The following USP3 variants were observed in gnomAD, a reference collection of about 807,000 sequenced individuals.
USP3 encodes ubiquitin specific peptidase 3, also known as ubiquitin carboxyl-terminal hydrolase 3.
In USP3, 20 loss-of-function variants were observed where a neutral mutation model predicts 72.3. The observed-to-expected ratio is 0.28, with a 90% CI of 0.19 to 0.40. The LOEUF is 0.40. Ranked by LOEUF, USP3 falls within the 10% of genes least tolerant of loss-of-function variation. USP3 has a pLI of 1.00. For synonymous variants in USP3, 222 were observed against 225.3 expected (o/e 0.99, Z 0.13); for missense variants, 479 against 633.9 (o/e 0.76, Z 2.62).
At chr15:63,573,981 G>C (rs1343041337) in intron 9 of USP3, 65 bp from the exon 10 acceptor site, 3 of 1,187,292 alleles carry the variant, frequency 2.5e-6, no homozygotes, top group East Asian at 2.6e-5. Flanking sequence ...AATATTTGTA[G>C]TTTTTTAAAT....
intron 1 of USP3, among the ~76,000 whole-genome samples, chr15:63,506,370 GAAAA>G (rs35639661): frequency 6.7e-6 from 1 of 149,362 alleles, no homozygotes; most frequent in Non-Finnish European, 1.5e-5. Context: ...GAAATTTGAA[GAAAA>G]AAAAAAAGAC....
intron 1 of USP3, among the ~76,000 whole-genome samples, chr15:63,523,048 T>G (rs2065939408): frequency 2.6e-5 from 4 of 152,244 alleles, no homozygotes; most frequent in Admixed American, 2.6e-4. Flanking sequence ...TTTCCTGAAG[T>G]ATTTTACATT....
intron 3 of USP3, among the ~76,000 whole-genome samples, chr15:63,547,814 C>G (rs1395414416): frequency 3.0e-3 from 52 of 17,594 alleles, no homozygotes; most frequent in East Asian, 0.016. Context: ...TAGAGAGAGG[C>G]ATAGAGAGAG....
In USP3 at chr15:63,588,507, G is replaced by A; in HGVS notation, c.1215+84G>A. On this transcript the variant is annotated intron_variant, in intron 12 of 14. Coordinates refer to ENST00000380324, the MANE Select transcript of USP3 (RefSeq NM_006537.4). This position sits in a 1 kb window ranked among gnomAD's most constrained non-coding sequence, Gnocchi z 4.6. ...GACCATGTCTATAACTTTACACTATGTGAACTGTTCTGTATTTTTCTCTAG... is the reference window on the plus strand; with the variant it reads ...GACCATGTCTATAACTTTACACTATATGAACTGTTCTGTATTTTTCTCTAG... The A allele has an allele frequency of 9.1e-7, 1 of 1,096,540 alleles. No homozygotes were observed. Among genetic ancestry groups the A allele is most frequent in the Non-Finnish European group, 1.3e-6 (1 of 744,380 alleles). The allele number at this position is 1,096,540 out of a possible 1,614,324, so 67.9% of individuals were successfully genotyped here.
chr15:63,561,295 T>C (rs960431747), intron 7 of USP3, among the ~76,000 whole-genome samples: 2 of 152,206 alleles, frequency 1.3e-5, no homozygotes, highest in African/African-American at 4.8e-5. Context: ...TTGCAGGCTG[T>C]AGAAATTGCC....
intron 11 of USP3, among the ~76,000 whole-genome samples, chr15:63,583,875 C>T (rs183369713): frequency 3.6e-4 from 55 of 152,198 alleles, no homozygotes; most frequent in African/African-American, 1.2e-3. Context: ...CATCTGTTGA[C>T]GACACTTGGG....
chr15:63,539,627 T>A (rs1280062628), intron 3 of USP3, among the ~76,000 whole-genome samples: 2 of 152,216 alleles, frequency 1.3e-5, no homozygotes, highest in Non-Finnish European at 2.9e-5. Context: ...CATGGTGGAA[T>A]TGGAATTAAA....
At chr15:63,565,735 A>G (rs949335062) in intron 8 of USP3, among the ~76,000 whole-genome samples, 1 of 152,122 alleles carries the variant, frequency 6.6e-6, no homozygotes, top group Non-Finnish European at 1.5e-5. Context: ...GCTTCCTCAG[A>G]CCATTTTACA....
At chr15:63,569,159 T>C (rs1219223772) in intron 8 of USP3, among the ~76,000 whole-genome samples, 3 of 152,202 alleles carry the variant, frequency 2.0e-5, no homozygotes, top group African/African-American at 7.2e-5. Flanking sequence ...AAACTACTAA[T>C]CTTACCTTTG....
At chr15:63,505,010 C>T (rs1480383486) in intron 1 of USP3, among the ~76,000 whole-genome samples, 180 bp downstream of exon 1, 1 of 150,474 alleles carries the variant, frequency 6.6e-6, no homozygotes, top group East Asian at 1.9e-4. Flanking sequence ...GCGGCGGCTC[C>T]TTTGTTTCCC....
chr15:63,554,091 G>A (rs1220102999), intron 4 of USP3, among the ~76,000 whole-genome samples: 1 of 152,022 alleles, frequency 6.6e-6, no homozygotes, highest in Non-Finnish European at 1.5e-5. Context: ...TATTTTGAGG[G>A]TACAAGAAAA....
chr15:63,575,375 T>G (rs2066846867), intron 11 of USP3, among the ~76,000 whole-genome samples: 1 of 151,976 alleles, frequency 6.6e-6, no homozygotes, highest in Admixed American at 6.5e-5. Context: ...AAATAAAACT[T>G]TTGTTGGAGA....
intron 3 of USP3, among the ~76,000 whole-genome samples, chr15:63,552,646 T>A (rs2066452747): frequency 6.6e-6 from 1 of 152,198 alleles, no homozygotes; most frequent in East Asian, 1.9e-4. Flanking sequence ...AAGCATTCAC[T>A]TAAAATTTTC....
chr15:63,591,181 A>AGAT lies in USP3; in HGVS notation c.*357_*359dup, dbSNP rs1241836694. On this transcript the variant is annotated 3_prime_UTR_variant, in exon 15 of 15. Transcript: ENST00000380324. ...TTGTTCCTCTCACATGCTGAAAGCA[A>AGAT]GATGTGTTCCTTATTGTGAAGAGCG... The AGAT allele has an allele frequency of 1.0e-5, 2 of 195,044 alleles. No individual in the cohort carries two copies. The highest frequency in any genetic ancestry group is 4.7e-5 in the African/African-American group (2 of 42,204). 12.1% of individuals were successfully genotyped at this position (195,044 alleles called of 1,614,324 possible). A position where few individuals can be genotyped will look rare whatever the true frequency, so the allele number is the denominator to read the frequency against.
chr15:63,574,415 T>G lies in USP3; in HGVS notation c.1096+12T>G, dbSNP rs752954641. 9 of 1,587,482 alleles carry G rather than the reference T, an allele frequency of 5.7e-6. No individual in the cohort carries two copies. In the South Asian group the frequency reaches 9.4e-5, roughly 17 times the overall value. Reference sequence around the variant, plus strand: ...TTGTTCGTTACGAGGTAAAGATACTTGAATGTTCTAAAAATTTTTTTCTTT... The same window carrying G: ...TTGTTCGTTACGAGGTAAAGATACTGGAATGTTCTAAAAATTTTTTTCTTT... On this transcript the variant is annotated intron_variant, in intron 11 of 14. Transcript: ENST00000380324. This position sits in a 1 kb window ranked among gnomAD's most constrained non-coding sequence, Gnocchi z 4.6.
intron 1 of USP3, among the ~76,000 whole-genome samples, chr15:63,519,441 G>A (rs1023600287): frequency 1.3e-5 from 2 of 151,542 alleles, no homozygotes; most frequent in Non-Finnish European, 2.9e-5. Context: ...GTTTCTTCAT[G>A]GTTAGATTCA....
intron 3 of USP3, among the ~76,000 whole-genome samples, chr15:63,541,158 A>C (rs1199559817): frequency 6.6e-6 from 1 of 152,192 alleles, no homozygotes; most frequent in Non-Finnish European, 1.5e-5. Context: ...TTATGAAAGG[A>C]ATATTAAAAG....
intron 1 of USP3, among the ~76,000 whole-genome samples, chr15:63,521,438 A>G (rs975744571): frequency 4.6e-5 from 7 of 152,258 alleles, no homozygotes; most frequent in African/African-American, 1.7e-4. Flanking sequence ...GTAAGATAAT[A>G]CTTCAAGCTA....
chr15:63,558,139 C>T lies in USP3; in HGVS notation c.484C>T (p.Arg162Trp). The change falls in exon 6 of 15, where the codon CGG (arginine) becomes TGG (tryptophan). Residue 162 changes from arginine to tryptophan, a missense_variant. Transcript: ENST00000380324. ...STTAICATGL[R>W]NLGNTCFMNA... ...CACTGCCATTTGTGCCACAGGCCTT[C>T]GGAATTTGGGGAACACATGTTTCAT... The T allele has an allele frequency of 6.2e-7, 1 of 1,613,992 alleles. No individual in the cohort carries two copies. Among genetic ancestry groups the T allele is most frequent in the Non-Finnish European group, 8.5e-7 (1 of 1,180,026 alleles).
Sources: gnomAD v4.1 joint callset for allele counts (sites outside exome capture counted in the v4.1 genomes callset) on GRCh38, gnomAD v4.1.1 for gene constraint, Gnocchi (gnomAD v3.1) non-coding constraint, MANE v1.5 for transcripts, NCBI Gene and HGNC (gene_info 2026-07-23, HGNC 2026-07-21) for gene names.